The following LPO variants were observed in gnomAD, a reference collection of about 807,000 sequenced individuals.
LPO encodes the protein lactoperoxidase, also known as salivary peroxidase.
Under a neutral mutation model 68.4 loss-of-function variants are expected in LPO, and 70 were observed. The observed-to-expected ratio is 1.02, with a 90% CI of 0.84 to 1.25. The LOEUF (loss-of-function observed/expected upper bound fraction) is 1.25, where lower values mean the gene tolerates loss of function less well. LPO is among the 50% of genes most tolerant of loss of function. The pLI is 0.00. For missense variants in LPO, 873 were observed against 908.4 expected, an observed-to-expected ratio of 0.96 and a Z score of 0.50; for synonymous variants, 360 against 357.6, an observed-to-expected ratio of 1.01 and a Z score of -0.08.
intron 1 of LPO, among the ~76,000 whole-genome samples, chr17:58,240,108 G>A (rs919855384): frequency 5.3e-5 from 8 of 152,190 alleles, no homozygotes; most frequent in African/African-American, 1.9e-4. Context: ...AAAAAGGAAC[G>A]ATCTAACTTT....
In LPO at chr17:58,242,500, T is replaced by G. The variant is rs145350985; in HGVS notation, c.-2-478T>G. On this transcript the variant is annotated intron_variant, in intron 1 of 12. Coordinates refer to ENST00000262290, the MANE Select transcript of LPO (RefSeq NM_006151.3). ...CTGGCTTGCAGGGAGCAATGCATCC[T>G]GCAGGGAAGGAGGGAGGGGAACTCA... Among the ~76,000 whole-genome samples the G allele has an allele frequency of 2.7e-3, 416 of 152,342 alleles. 1 individual carries two copies. Among genetic ancestry groups the G allele is most frequent in the South Asian group, 0.02 (98 of 4,824 alleles).
At chr17:58,250,693 T>C (rs1969943711) in intron 7 of LPO, 72 bp downstream of exon 7, 1 of 1,464,480 alleles carries the variant, frequency 6.8e-7, no homozygotes, top group African/African-American at 1.4e-5. Context: ...TCCCAGCTCA[T>C]CAGCTAGGAT....
intron 9 of LPO, 103 bp downstream of exon 9, chr17:58,255,074 C>A: frequency 2.4e-6 from 3 of 1,226,430 alleles, no homozygotes; most frequent in Non-Finnish European, 2.3e-6. Context: ...TCTGTTCCCA[C>A]ACCTCCGTTT....
chr17:58,264,700 C>A, intron 9 of LPO, 22 bp from the exon 10 acceptor site: 1 of 1,612,778 alleles, frequency 6.2e-7, no homozygotes, highest in Non-Finnish European at 8.5e-7. Context: ...ACCCTTTCCT[C>A]TTGATTTTAT....
At chr17:58,258,423 G>A (rs1342322679) in intron 9 of LPO, among the ~76,000 whole-genome samples, 1 of 152,090 alleles carries the variant, frequency 6.6e-6, no homozygotes, top group Non-Finnish European at 1.5e-5. Context: ...ATATGTTCTT[G>A]GCATCTTTGT....
At chr17:58,261,058 T>C (rs779402124) in intron 9 of LPO, among the ~76,000 whole-genome samples, 4 of 152,208 alleles carry the variant, frequency 2.6e-5, no homozygotes, top group Non-Finnish European at 5.9e-5. Flanking sequence ...GACTATCTTG[T>C]TGAATATTCT....
intron 7 of LPO, chr17:58,251,728 A>G (rs1365345873): frequency 5.4e-6 from 2 of 373,602 alleles, no homozygotes; most frequent in African/African-American, 2.1e-5. Context: ...CAGTTTTCTC[A>G]TCTATAAAAT....
chr17:58,263,525 G>A (rs1287502777), intron 9 of LPO, among the ~76,000 whole-genome samples: 1 of 152,182 alleles, frequency 6.6e-6, no homozygotes, highest in African/African-American at 2.4e-5. Context: ...GATCACCTGA[G>A]GTCGGGAGTT....
In LPO at chr17:58,249,587, C is replaced by G; in HGVS notation, c.465C>G (p.Ala155=). 1 of 1,604,104 alleles carries G rather than the reference C, an allele frequency of 6.2e-7. No individual in the cohort carries two copies. Among genetic ancestry groups the G allele is most frequent in the Non-Finnish European group, 8.5e-7 (1 of 1,179,294 alleles). ...CNNRRKPALG[A]ANRALARWLP... is the part of the protein sequence containing the mutation. ...TCAGGAGGAAGCCTGCGCTGGGCGC[C>G]GCCAACAGGGCTCTGGCGCGCTGGC... The change falls in exon 6 of 13, where the codon GCC becomes GCG. Residue 155 remains alanine, a synonymous_variant. Coordinates refer to ENST00000262290, the MANE Select transcript of LPO (RefSeq NM_006151.3).
chr17:58,264,938 A>T lies in LPO; in HGVS notation c.1483A>T (p.Thr495Ser). The change falls in exon 10 of 13, where the codon ACC becomes TCC. Residue 495 changes from threonine (T) to serine (S), a missense_variant. Thr to Ser is a moderately conservative substitution (Grantham distance 58). Coordinates refer to ENST00000262290, the MANE Select transcript of LPO (RefSeq NM_006151.3). ...WGPEPELPLH[T>S]LFFNTWRMVK... ...GCCAGAACCAGAACTCCCCCTCCAC[A>T]CCCTCTTCTTCAACACTTGGAGGAT... 1 of 1,613,994 alleles carries T rather than the reference A, an allele frequency of 6.2e-7. No homozygotes were observed. The highest frequency in any genetic ancestry group is 8.5e-7 in the Non-Finnish European group (1 of 1,180,002).
At chr17:58,247,025 C>T (rs1969863171) in intron 3 of LPO, among the ~76,000 whole-genome samples, 2 of 152,192 alleles carry the variant, frequency 1.3e-5, no homozygotes, top group Admixed American at 1.3e-4. Context: ...AAAGTCCATA[C>T]AGAAGTCTCT....
At chr17:58,265,019 G>T (rs185601370) in intron 10 of LPO, 45 bp downstream of exon 10, 3 of 1,605,700 alleles carry the variant, frequency 1.9e-6, no homozygotes, top group Non-Finnish European at 1.7e-6. Context: ...CTCCCACTCC[G>T]CAGCCTATTG....
chr17:58,240,519 G>A (rs1312516239), intron 1 of LPO, among the ~76,000 whole-genome samples: 1 of 152,120 alleles, frequency 6.6e-6, no homozygotes, highest in Non-Finnish European at 1.5e-5. Context: ...CCCCTTTTCA[G>A]TGACATGACC....
chr17:58,247,845 A>G (rs992777656), intron 4 of LPO, among the ~76,000 whole-genome samples: 1 of 152,228 alleles, frequency 6.6e-6, no homozygotes, highest in Non-Finnish European at 1.5e-5. Context: ...TTGCAGAGGA[A>G]GAAACTGAGA....
chr17:58,248,546 C>T (rs1373628417), intron 4 of LPO, among the ~76,000 whole-genome samples: 1 of 152,144 alleles, frequency 6.6e-6, no homozygotes, highest in East Asian at 1.9e-4. Flanking sequence ...CTAAAGCCCC[C>T]CTACTCTGTC....
intron 9 of LPO, among the ~76,000 whole-genome samples, chr17:58,256,501 T>A (rs1052565711): frequency 6.6e-6 from 1 of 151,372 alleles, no homozygotes; most frequent in African/African-American, 2.4e-5. Flanking sequence ...GCATACAATG[T>A]GAAATAAGCA....
chr17:58,243,038 C>T lies in LPO; in HGVS notation c.59C>T (p.Ala20Val), dbSNP rs1364306829. Reference protein sequence around the residue: ...LLASLILLQAAASTTRAQTTR... With the variant: ...LLASLILLQAVASTTRAQTTR... ...GCTTCCCTCATCTTGCTTCAGGCTG[C>T]AGCATCTACCACAAGAGGTGAGTGT... Residue 20 changes from alanine (A) to valine (V), a missense_variant, in exon 2 of 13, where the codon GCA (alanine) becomes GTA (valine). Coordinates refer to ENST00000262290, the MANE Select transcript of LPO (RefSeq NM_006151.3). 6 of 1,614,008 alleles carry T rather than the reference C, an allele frequency of 3.7e-6. No homozygotes were observed. The highest frequency in any genetic ancestry group is 5.1e-6 in the Non-Finnish European group (6 of 1,180,004).
intron 3 of LPO, among the ~76,000 whole-genome samples, chr17:58,246,494 C>A (rs1969854222): frequency 6.6e-6 from 1 of 152,132 alleles, no homozygotes; most frequent in Non-Finnish European, 1.5e-5. Flanking sequence ...TGCCTACCCC[C>A]AACAGAGCCC....
At chr17:58,250,684 C>T in intron 7 of LPO, 63 bp downstream of exon 7, 1 of 1,510,442 alleles carries the variant, frequency 6.6e-7, no homozygotes, top group Non-Finnish European at 9.2e-7. Context: ...AGCAGACATT[C>T]CCAGCTCATC....
Sources: allele counts gnomAD v4.1 joint callset (sites outside exome capture counted in the v4.1 genomes callset), GRCh38; gene constraint gnomAD v4.1.1; transcripts MANE v1.5; gene names NCBI Gene and HGNC (gene_info 2026-07-23, HGNC 2026-07-21).